Variants in ITFG1 observed in about 807,000 individuals in gnomAD.
ITFG1 encodes T-cell immunomodulatory protein.
ITFG1 carries 34 observed loss-of-function variants against 81.8 expected under a neutral mutation model. The observed-to-expected ratio is 0.42, with a 90% CI of 0.32 to 0.55. ITFG1 has a LOEUF of 0.55. Ranked by LOEUF, ITFG1 falls within the 20% of genes least tolerant of loss-of-function variation. ITFG1 has a pLI of 0.17. For synonymous variants in ITFG1, 285 were observed against 270.6 expected (o/e 1.05, Z -0.52); for missense variants, 672 against 755.4 (o/e 0.89, Z 1.29).
chr16:47,350,008 G>A (rs953649618), intron 8 of ITFG1, among the ~76,000 whole-genome samples: 2 of 152,158 alleles, frequency 1.3e-5, no homozygotes, highest in African/African-American at 4.8e-5. Flanking sequence ...GATGTTCTTT[G>A]AAACCAATGA....
rs138773086 is a variant in ITFG1 at position 47,287,503 on chromosome 16, C to T, written c.1070+23737G>A. On this transcript the variant is annotated intron_variant, in intron 10 of 17. Transcript: ENST00000320640. ...GCAGCCTTGACCTCCTGGGCTCAAGCGATCCTCCTGCCTTAACCTCCTGAG... is the reference window on the plus strand; with the variant it reads ...GCAGCCTTGACCTCCTGGGCTCAAGTGATCCTCCTGCCTTAACCTCCTGAG... Among the ~76,000 whole-genome samples the T allele has an allele frequency of 7.5e-3, 1,142 of 151,988 alleles. 19 individuals are homozygous for T. The highest frequency in any genetic ancestry group is 0.026 in the African/African-American group (1,082 of 41,476).
intron 10 of ITFG1, among the ~76,000 whole-genome samples, chr16:47,290,847 C>A (rs1966896600): frequency 6.6e-6 from 1 of 152,228 alleles, no homozygotes; most frequent in Admixed American, 6.5e-5. Context: ...TGTCACTTGG[C>A]TGAATGTTTT....
chr16:47,438,785 C>T (rs1179878014), intron 5 of ITFG1, among the ~76,000 whole-genome samples: 1 of 152,208 alleles, frequency 6.6e-6, no homozygotes, highest in East Asian at 1.9e-4. Flanking sequence ...CACCTCTCCT[C>T]CTCCAAAGGA....
At chr16:47,242,539 T>C (rs893696816) in intron 12 of ITFG1, among the ~76,000 whole-genome samples, 1 of 152,070 alleles carries the variant, frequency 6.6e-6, no homozygotes, top group Non-Finnish European at 1.5e-5. Flanking sequence ...GGACTATAGA[T>C]AGAAATAAAG....
chr16:47,183,479 CCT>C (rs1162620134), intron 14 of ITFG1, among the ~76,000 whole-genome samples: 4 of 152,180 alleles, frequency 2.6e-5, no homozygotes, highest in African/African-American at 7.2e-5. Context: ...ACCCCTGACC[CCT>C]GACCCCCAGG....
At chr16:47,227,892 T>C (rs969109606) in intron 13 of ITFG1, among the ~76,000 whole-genome samples, 10 of 152,314 alleles carry the variant, frequency 6.6e-5, no homozygotes, top group African/African-American at 2.2e-4. Flanking sequence ...AAAAATCCTG[T>C]TTATTTTTTA....
intron 8 of ITFG1, among the ~76,000 whole-genome samples, chr16:47,337,406 C>T (rs1967720982): frequency 6.6e-6 from 1 of 151,972 alleles, no homozygotes; most frequent in South Asian, 2.1e-4. Context: ...CCCATCTCTA[C>T]TAAAAATACA....
At chr16:47,349,323 T>C (rs1449547796) in intron 8 of ITFG1, among the ~76,000 whole-genome samples, 4 of 151,910 alleles carry the variant, frequency 2.6e-5, no homozygotes, top group African/African-American at 7.3e-5. Flanking sequence ...CCATCTCATG[T>C]GCAGAGACAC....
chr16:47,324,917 C>T (rs1019487424), intron 8 of ITFG1, among the ~76,000 whole-genome samples: 4 of 152,154 alleles, frequency 2.6e-5, no homozygotes, highest in African/African-American at 9.7e-5. Context: ...CAACATTAGA[C>T]AGATCAGCGA....
chr16:47,249,994 T>C (rs1474218731), intron 12 of ITFG1, among the ~76,000 whole-genome samples: 3 of 152,244 alleles, frequency 2.0e-5, no homozygotes, highest in African/African-American at 4.8e-5. Flanking sequence ...AAAAAATTCC[T>C]GCCTGGATTC....
chr16:47,384,921 C>A (rs981237643), intron 6 of ITFG1, among the ~76,000 whole-genome samples: 1 of 152,148 alleles, frequency 6.6e-6, no homozygotes, highest in African/African-American at 2.4e-5. Context: ...TCTACTACTT[C>A]TCTCTACTCC....
chr16:47,211,813 T>C (rs1201889305), intron 14 of ITFG1, among the ~76,000 whole-genome samples: 3 of 152,226 alleles, frequency 2.0e-5, no homozygotes, highest in Non-Finnish European at 2.9e-5. Flanking sequence ...ACTACACTAA[T>C]AGATTTTTTA....
In ITFG1 at chr16:47,260,634, G is replaced by A. The variant is rs202059473; in HGVS notation, c.1132C>T (p.Arg378Cys). 8.2e-5 allele frequency: 132 copies of A among 1,614,076 alleles called. No homozygotes were observed. In the Admixed American group the frequency reaches 1.0e-3, roughly 12 times the overall value. The stretch of plus-strand genomic sequence containing the variant: ...TCCCAGTAGACTTTAAACATTCGAC[G>A]CGCCTCTTCACAGCTTGCATTATTA... ...PCNNASCEEA[R>C]RMFKVYWELT... The change falls in exon 11 of 18, where the codon CGT becomes TGT. Residue 378 changes from arginine (R) to cysteine (C), a missense_variant. Physicochemically the swap from Arg to Cys is radical, Grantham distance 180. Transcript: ENST00000320640.
intron 10 of ITFG1, among the ~76,000 whole-genome samples, chr16:47,266,346 T>C (rs906609033): frequency 6.6e-6 from 1 of 152,028 alleles, no homozygotes; most frequent in Non-Finnish European, 1.5e-5. Context: ...GCCTCTGGAG[T>C]AGCTGGAATT....
chr16:47,426,536 A>C (rs1969023247), intron 6 of ITFG1, among the ~76,000 whole-genome samples: 1 of 148,996 alleles, frequency 6.7e-6, no homozygotes. Flanking sequence ...CAGATAAACC[A>C]CACTAAAAAT....
At chr16:47,387,978 G>A (rs1391982708) in intron 6 of ITFG1, among the ~76,000 whole-genome samples, 1 of 151,754 alleles carries the variant, frequency 6.6e-6, no homozygotes, top group Non-Finnish European at 1.5e-5. Flanking sequence ...AGTGAAGTGT[G>A]CCTTATCAAA....
At chr16:47,363,725 A>G (rs1380081982) in intron 8 of ITFG1, among the ~76,000 whole-genome samples, 1 of 152,192 alleles carries the variant, frequency 6.6e-6, no homozygotes, top group Non-Finnish European at 1.5e-5. Flanking sequence ...TTAACATATT[A>G]TTCTAGCCAC....
chr16:47,210,813 T>G (rs200594710), intron 14 of ITFG1, among the ~76,000 whole-genome samples: 1 of 152,200 alleles, frequency 6.6e-6, no homozygotes, highest in East Asian at 1.9e-4. Context: ...TCAATGTATC[T>G]GTACTTCTGC....
At chr16:47,370,118 G>A (rs1175520101) in intron 7 of ITFG1, among the ~76,000 whole-genome samples, 3 of 152,070 alleles carry the variant, frequency 2.0e-5, no homozygotes, top group Non-Finnish European at 1.5e-5. Context: ...GGGATTACAG[G>A]CGTTAGCTAC....
Sources: allele counts gnomAD v4.1 joint callset (sites outside exome capture counted in the v4.1 genomes callset), GRCh38; gene constraint gnomAD v4.1.1; transcripts MANE v1.5; gene names NCBI Gene and HGNC (gene_info 2026-07-23, HGNC 2026-07-21).